DNMT1: variants seen among roughly 807,000 people sequenced by gnomAD.
DNMT1 encodes DNA (cytosine-5)-methyltransferase 1.
DNMT1 carries 24 observed loss-of-function variants against 205.3 expected under a neutral mutation model. The observed-to-expected ratio is 0.12, with a 90% CI of 0.08 to 0.16. DNMT1 has a LOEUF of 0.16. Ranked by LOEUF, DNMT1 falls within the 10% of genes least tolerant of loss-of-function variation. DNMT1 has a pLI of 1.00. For synonymous variants in DNMT1, 817 were observed against 839.8 expected, an observed-to-expected ratio of 0.97 and a Z score of 0.47; for missense variants, 1,293 against 2,177.7, an observed-to-expected ratio of 0.59 and a Z score of 8.09.
intron 19 of DNMT1, 110 bp from the exon 20 acceptor site, chr19:10,155,166 C>T: frequency 7.0e-7 from 1 of 1,425,962 alleles, no homozygotes; most frequent in Non-Finnish European, 9.7e-7. Context: ...TAAAAGTCAT[C>T]CCGTACCCAA....
Position 10,173,887 on chromosome 19 carries a change from C to T in DNMT1, c.667G>A (p.Val223Ile), listed in dbSNP as rs780431940. 5 of 1,613,816 alleles carry T rather than the reference C, an allele frequency of 3.1e-6. No individual in the cohort carries two copies. The African/African-American group carries it at 6.7e-5, about 22-fold the overall frequency. ...DKDQDEKRRR[V>I]TSRERVARPL... ...TATTCTTACCGTTCTCTGGATGTAA[C>T]TCTACGTCTCTTCTCATCCTGTGTG... Residue 223 changes from valine to isoleucine, a missense_variant, in exon 8 of 41, where the codon GTT becomes ATT. This residue lies in a region of DNMT1 where 394 missense variants were observed against 451.6 expected (regional missense o/e 0.87). Transcript: ENST00000359526.
intron 29 of DNMT1, among the ~76,000 whole-genome samples, chr19:10,142,532 G>A (rs1301945366): frequency 6.6e-6 from 1 of 150,496 alleles, no homozygotes; most frequent in Admixed American, 6.6e-5. Flanking sequence ...TCCCAGTAAG[G>A]GAATCACAGG....
At position 10,149,035 on chromosome 19, in the gene DNMT1, C is replaced by T. The variant is rs761123463; in HGVS notation, c.2587-18G>A. 3 of 1,613,334 alleles carry T rather than the reference C, an allele frequency of 1.9e-6. No homozygotes were observed. Among genetic ancestry groups the T allele is most frequent in the South Asian group, 1.1e-5 (1 of 91,050 alleles). ...ATGCCTCCCTTGGGAGATAAGAATG[C>T]GTGTCAGGCCAGGCGCAGTGGCTCA... On this transcript the variant is annotated intron_variant, in intron 26 of 40. Coordinates refer to ENST00000359526, the MANE Select transcript of DNMT1 (RefSeq NM_001130823.3).
chr19:10,157,866 T>C (rs2038490059), intron 17 of DNMT1, among the ~76,000 whole-genome samples: 1 of 152,094 alleles, frequency 6.6e-6, no homozygotes, highest in Non-Finnish European at 1.5e-5. Flanking sequence ...GCTCTCTCCA[T>C]AGGGGAGACA....
chr19:10,160,919 C>T (rs1325392547), intron 13 of DNMT1, among the ~76,000 whole-genome samples: 1 of 152,088 alleles, frequency 6.6e-6, no homozygotes, highest in Non-Finnish European at 1.5e-5. Flanking sequence ...AATCTCATAA[C>T]CAAAGACTTC....
chr19:10,140,331 G>A lies in DNMT1; in HGVS notation c.3524-3C>T, dbSNP rs980449474. ...GGCCCACAGCGTGTCAGAGATGCCT[G>A]GCAGATCAAGCACGAAGCCATGCTT... On this transcript the variant is annotated splice_polypyrimidine_tract_variant and splice_region_variant and intron_variant, in intron 32 of 40. Transcript: ENST00000359526. The surrounding 1 kb of genome is among the most constrained non-coding windows in gnomAD (Gnocchi z 8.4). The A allele has an allele frequency of 4.3e-6, 7 of 1,613,696 alleles. No homozygotes were observed. Among genetic ancestry groups the A allele is most frequent in the African/African-American group, 1.3e-5 (1 of 75,044 alleles).
intron 30 of DNMT1, chr19:10,141,734 C>T: frequency 2.3e-6 from 1 of 427,828 alleles, no homozygotes; most frequent in Non-Finnish European, 4.3e-6. Flanking sequence ...CCTCATGGTC[C>T]TCAACGTTCA....
chr19:10,173,358 G>T (rs182452210), intron 8 of DNMT1, among the ~76,000 whole-genome samples, 184 bp from the exon 9 acceptor site: 1 of 152,230 alleles, frequency 6.6e-6, no homozygotes, highest in East Asian at 1.9e-4. Flanking sequence ...AATGCCAGCT[G>T]CCCTCGATTC....
Position 10,180,481 on chromosome 19 carries a change from C to T in DNMT1, c.314G>A (p.Gly105Glu). The change falls in exon 4 of 41, where the codon GGA becomes GAA. Residue 105 changes from glycine to glutamate, a missense_variant. Gly to Glu is a moderately conservative substitution (Grantham distance 98, BLOSUM62 -2). This residue lies in a region of DNMT1 where 394 missense variants were observed against 451.6 expected (regional missense o/e 0.87). Transcript: ENST00000359526. ...GAHAYNREVNGRLENGNQARS... is the reference protein window; with the variant it reads ...GAHAYNREVNERLENGNQARS... ...TGCTTGGTTCCCGTTTTCTAGACGTCCATTCACTTCCCGGTTGTAAGCATG... is the reference window on the plus strand; with the variant it reads ...TGCTTGGTTCCCGTTTTCTAGACGTTCATTCACTTCCCGGTTGTAAGCATG... 6.2e-7 allele frequency: 1 copy of T among 1,614,132 alleles called. No individual in the cohort carries two copies. Among genetic ancestry groups the T allele is most frequent in the Non-Finnish European group, 8.5e-7 (1 of 1,180,038 alleles).
At chr19:10,160,486 G>A (rs907397501) in intron 13 of DNMT1, 68 bp from the exon 14 acceptor site, 37 of 1,552,498 alleles carry the variant, frequency 2.4e-5, no homozygotes, top group Middle Eastern at 3.4e-4. Context: ...GTGCTTCGGT[G>A]TTAAGAACTT....
intron 1 of DNMT1, among the ~76,000 whole-genome samples, chr19:10,188,496 T>C (rs2039237806): frequency 1.3e-5 from 2 of 152,234 alleles, no homozygotes; most frequent in South Asian, 2.1e-4. Flanking sequence ...GCCGAGATCA[T>C]GCCACTGCAC....
chr19:10,137,875 C>T lies in DNMT1; in HGVS notation c.4250G>A (p.Arg1417Gln), dbSNP rs1442803580. The change falls in exon 36 of 41, where the codon CGG becomes CAG. Residue 1417 changes from arginine to glutamine, a missense_variant. Transcript: ENST00000359526. This position sits in a 1 kb window ranked among gnomAD's most constrained non-coding sequence, Gnocchi z 6.4. ...EPQSWFQRQL[R>Q]GAQYQPILRD... ...GAGGATGGGCTGGTACTGTGCGCCCCGGAGCTGCCTCTGGAACCAGGACTG... is the reference window on the plus strand; with the variant it reads ...GAGGATGGGCTGGTACTGTGCGCCCTGGAGCTGCCTCTGGAACCAGGACTG... 1.9e-6 allele frequency: 3 copies of T among 1,613,470 alleles called. No homozygotes were observed. Among genetic ancestry groups the T allele is most frequent in the South Asian group, 2.2e-5 (2 of 91,022 alleles).
At chr19:10,174,403 A>G (rs1270255394) in intron 7 of DNMT1, among the ~76,000 whole-genome samples, 1 of 152,038 alleles carries the variant, frequency 6.6e-6, no homozygotes, top group African/African-American at 2.4e-5. Context: ...TGACAGAATG[A>G]GACCTGTCTC....
chr19:10,183,473 A>G lies in DNMT1; in HGVS notation c.81-1396T>C, dbSNP rs991194897. On this transcript the variant is annotated intron_variant, in intron 1 of 40. Transcript: ENST00000359526. ...GGTGGCTCACGCTTATAATCCCAGC[A>G]CTTTGGGAGGCCAAGGCGAGCGGAT... Among the ~76,000 whole-genome samples, 5 of 152,280 alleles carry G rather than the reference A, an allele frequency of 3.3e-5. No individual in the cohort carries two copies. The South Asian group carries it at 1.0e-3, about 32-fold the overall frequency.
Position 10,148,902 on chromosome 19 carries a change from G to A in DNMT1, c.2702C>T (p.Thr901Ile). Residue 901 changes from threonine (T) to isoleucine (I), a missense_variant, in exon 27 of 41, where the codon ACA (threonine) becomes ATA (isoleucine). By Grantham distance (89) the Thr-to-Ile change is moderately conservative. Around this residue, in one of 13 missense-constraint regions of DNMT1, gnomAD observed 112 missense variants for 116.6 expected, o/e 0.96. Coordinates refer to ENST00000359526, the MANE Select transcript of DNMT1 (RefSeq NM_001130823.3). ...TGCTCACTTGAACTTGTTGTCCTCTGTTGGCTGGGTTTTTGGAGGGGACTC... is the reference window on the plus strand; with the variant it reads ...TGCTCACTTGAACTTGTTGTCCTCTATTGGCTGGGTTTTTGGAGGGGACTC... ...RFESPPKTQP[T>I]EDNKFKFCVS... 4 of 1,614,192 alleles carry A rather than the reference G, an allele frequency of 2.5e-6. No individual in the cohort carries two copies. The highest frequency in any genetic ancestry group is 1.1e-5 in the South Asian group (1 of 91,078).
Position 10,155,019 on chromosome 19 carries a change from C to G in DNMT1, c.1530G>C (p.Glu510Asp), listed in dbSNP as rs561762200. The G allele has an allele frequency of 6.2e-7, 1 of 1,614,170 alleles. No homozygotes were observed. Among genetic ancestry groups the G allele is most frequent in the African/African-American group, 1.3e-5 (1 of 75,042 alleles). ...GCATCAGCCCAAATATGGGCGCATACTCGGGACTGGGATCCATCAGAATGT... is the reference window on the plus strand; with the variant it reads ...GCATCAGCCCAAATATGGGCGCATAGTCGGGACTGGGATCCATCAGAATGT... ...AEYILMDPSPEYAPIFGLMQE... is the reference protein window; with the variant it reads ...AEYILMDPSPDYAPIFGLMQE... The change falls in exon 20 of 41, where the codon GAG becomes GAC. Residue 510 changes from glutamate to aspartate, a missense_variant. Glu to Asp is a conservative substitution (Grantham distance 45, BLOSUM62 2). Coordinates refer to ENST00000359526, the MANE Select transcript of DNMT1 (RefSeq NM_001130823.3).
chr19:10,163,186 C>T lies in DNMT1; in HGVS notation c.926+140G>A, dbSNP rs532141263. On this transcript the variant is annotated intron_variant, in intron 12 of 40. Transcript: ENST00000359526. Reference sequence around the variant, plus strand: ...CATGTTGGCCAGGCTAGGCTGGTCTCGAACTCCTGACCTCAGGTGATTCAC... The same window carrying T: ...CATGTTGGCCAGGCTAGGCTGGTCTTGAACTCCTGACCTCAGGTGATTCAC... 44 of 916,266 alleles carry T rather than the reference C, an allele frequency of 4.8e-5. No homozygotes were observed. The African/African-American group carries it at 5.6e-4, about 12-fold the overall frequency. 56.8% of individuals were successfully genotyped at this position (916,266 alleles called of 1,614,324 possible). A position where few individuals can be genotyped will look rare whatever the true frequency, so the allele number is the denominator to read the frequency against.
At position 10,137,708 on chromosome 19, in the gene DNMT1, G is replaced by T. The variant is rs2089517213; in HGVS notation, c.4293+124C>A. On this transcript the variant is annotated intron_variant, in intron 36 of 40. Coordinates refer to ENST00000359526, the MANE Select transcript of DNMT1 (RefSeq NM_001130823.3). This position sits in a 1 kb window ranked among gnomAD's most constrained non-coding sequence, Gnocchi z 6.4. ...GACCAGGGGTCACACAAAGGCTGAGGACTCGGGAGGAGGAGCCTGGGATCA... is the reference window on the plus strand; with the variant it reads ...GACCAGGGGTCACACAAAGGCTGAGTACTCGGGAGGAGGAGCCTGGGATCA... 2 of 1,323,598 alleles carry T rather than the reference G, an allele frequency of 1.5e-6. No homozygotes were observed. The highest frequency in any genetic ancestry group is 1.5e-5 in the African/African-American group (1 of 68,472). The allele number at this position is 1,323,598 out of a possible 1,614,324, so 82.0% of individuals were successfully genotyped here.
chr19:10,137,721 G>C lies in DNMT1; in HGVS notation c.4293+111C>G. The C allele has an allele frequency of 7.0e-7, 1 of 1,424,258 alleles. No homozygotes were observed. Among genetic ancestry groups the C allele is most frequent in the East Asian group, 2.5e-5 (1 of 40,488 alleles). 88.2% of individuals were successfully genotyped at this position (1,424,258 alleles called of 1,614,324 possible). On this transcript the variant is annotated intron_variant, in intron 36 of 40. Coordinates refer to ENST00000359526, the MANE Select transcript of DNMT1 (RefSeq NM_001130823.3). This position sits in a 1 kb window ranked among gnomAD's most constrained non-coding sequence, Gnocchi z 6.4. ...ACAAAGGCTGAGGACTCGGGAGGAGGAGCCTGGGATCAGATTCCATGTCTC... is the reference window on the plus strand; with the variant it reads ...ACAAAGGCTGAGGACTCGGGAGGAGCAGCCTGGGATCAGATTCCATGTCTC...
Sources: allele counts gnomAD v4.1 joint callset (sites outside exome capture counted in the v4.1 genomes callset), GRCh38; gene constraint gnomAD v4.1.1; regional missense constraint gnomAD v4.1.1; non-coding constraint Gnocchi (gnomAD v3.1); transcripts MANE v1.5; gene names NCBI Gene and HGNC (gene_info 2026-07-23, HGNC 2026-07-21).